CCDC7: variants seen among roughly 807,000 people sequenced by gnomAD.
CCDC7 encodes coiled-coil domain containing 7.
In CCDC7, 183 loss-of-function variants were observed where a neutral mutation model predicts 196.9. The ratio of observed to expected loss-of-function variants is 0.93; its 90% confidence interval spans 0.82 to 1.05. The LOEUF (loss-of-function observed/expected upper bound fraction) is 1.05. CCDC7 is among the 50% of genes least tolerant of loss of function. The pLI, the probability that CCDC7 is intolerant of heterozygous loss-of-function variation, is 0.00. For synonymous variants in CCDC7, 525 were observed against 484.6 expected (o/e 1.08, Z -1.10); for missense variants, 1,540 against 1,482.2 (o/e 1.04, Z -0.64).
chr10:32,585,856 G>A (rs2059218025), intron 18 of CCDC7, among the ~76,000 whole-genome samples: 1 of 152,080 alleles, frequency 6.6e-6, no homozygotes, highest in Non-Finnish European at 1.5e-5. Context: ...TGTCTTTATA[G>A]TAAAATGATT....
intron 13 of CCDC7, among the ~76,000 whole-genome samples, chr10:32,549,918 A>G (rs901921462): frequency 6.6e-6 from 1 of 151,948 alleles, no homozygotes; most frequent in Non-Finnish European, 1.5e-5. Flanking sequence ...TTCCATATGA[A>G]TTTTAGGATT....
intron 29 of CCDC7, among the ~76,000 whole-genome samples, chr10:32,790,889 C>G (rs1238097973): frequency 6.6e-6 from 1 of 152,186 alleles, no homozygotes; most frequent in Non-Finnish European, 1.5e-5. Flanking sequence ...CACAGGACCC[C>G]AATTTTACAG....
intron 28 of CCDC7, among the ~76,000 whole-genome samples, chr10:32,771,020 T>G (rs1420862180): frequency 6.6e-6 from 1 of 152,126 alleles, no homozygotes; most frequent in Non-Finnish European, 1.5e-5. Context: ...GAGATTTGGG[T>G]TGTGATTTTT....
intron 41 of CCDC7, among the ~76,000 whole-genome samples, chr10:32,869,621 A>G (rs1369572740): frequency 6.6e-6 from 1 of 152,054 alleles, no homozygotes; most frequent in Non-Finnish European, 1.5e-5. Context: ...TTGGTGTTTT[A>G]GACATGAAGT....
At chr10:32,880,629 C>T (rs2094757509), downstream of CCDC7, among the ~76,000 whole-genome samples, 1 of 152,158 alleles carries the variant, frequency 6.6e-6, no homozygotes, top group Non-Finnish European at 1.5e-5. Flanking sequence ...TGCCTATATC[C>T]TGAATGGTAT....
intron 20 of CCDC7, among the ~76,000 whole-genome samples, chr10:32,644,124 A>G (rs1210082107): frequency 6.6e-6 from 1 of 152,166 alleles, no homozygotes; most frequent in Non-Finnish European, 1.5e-5. Flanking sequence ...GTTTTAGTCC[A>G]TGTATACATA....
intron 21 of CCDC7, among the ~76,000 whole-genome samples, chr10:32,679,467 T>A (rs1400811341): frequency 6.6e-6 from 1 of 152,202 alleles, no homozygotes; most frequent in African/African-American, 2.4e-5. Flanking sequence ...AACTTTCTTG[T>A]AACCCCATAG....
exon 2 of CCDC7, chr10:32,453,417 A>G (rs1436907065): frequency 6.5e-7 from 1 of 1,547,250 alleles, no homozygotes; most frequent in Non-Finnish European, 8.7e-7. Flanking sequence ...AAGCATGAAC[A>G]TGAAGAATTA....
intron 28 of CCDC7, among the ~76,000 whole-genome samples, chr10:32,748,926 T>C (rs979898878): frequency 1.3e-5 from 2 of 152,148 alleles, no homozygotes; most frequent in African/African-American, 4.8e-5. Context: ...TTTTCTCCAC[T>C]ATTCATTGTG....
chr10:32,781,093 C>A (rs1410219893), intron 29 of CCDC7, among the ~76,000 whole-genome samples: 2 of 152,112 alleles, frequency 1.3e-5, no homozygotes, highest in Non-Finnish European at 2.9e-5. Context: ...TAGAAATATA[C>A]AATCTACCAG....
intron 33 of CCDC7, among the ~76,000 whole-genome samples, chr10:32,843,581 G>A (rs2093110970): frequency 6.6e-6 from 1 of 151,976 alleles, no homozygotes; most frequent in Non-Finnish European, 1.5e-5. Context: ...AAAGCAATGA[G>A]AGGATACTGT....
rs887008116 is a variant in CCDC7 at position 32,711,731 on chromosome 10, G to A, written c.2569+1G>A. On this transcript the variant is annotated splice_donor_variant, in intron 25 of 41. Coordinates refer to ENST00000639629, the Ensembl canonical transcript of CCDC7. LOFTEE classifies it high-confidence loss of function. ...ACTTCTGAAGGAGAAGGACGTAGCA[G>A]TAAGTATAATGATGATAGCTATTTT... 3 of 1,523,036 alleles carry A rather than the reference G, an allele frequency of 2.0e-6. No homozygotes were observed. The highest frequency in any genetic ancestry group is 2.7e-6 in the Non-Finnish European group (3 of 1,118,944). 94.3% of individuals were successfully genotyped at this position (1,523,036 alleles called of 1,614,324 possible). A position where few individuals can be genotyped will look rare whatever the true frequency, so the allele number is the denominator to read the frequency against.
At chr10:32,538,150 T>C (rs1413196891) in intron 11 of CCDC7, among the ~76,000 whole-genome samples, 1 of 152,212 alleles carries the variant, frequency 6.6e-6, no homozygotes, top group Non-Finnish European at 1.5e-5. Context: ...CATTTTTTTG[T>C]GTCATCTGAT....
At chr10:32,444,705 C>G (rs2030568427), upstream of CCDC7, among the ~76,000 whole-genome samples, 1 of 152,108 alleles carries the variant, frequency 6.6e-6, no homozygotes, top group African/African-American at 2.4e-5. Context: ...TTCTAAACTA[C>G]TTTCTTAATT....
chr10:32,471,354 C>A, intron 6 of CCDC7, 124 bp downstream of exon 7: 1 of 1,172,240 alleles, frequency 8.5e-7, no homozygotes, highest in Non-Finnish European at 1.2e-6. Flanking sequence ...CAAATCAGGT[C>A]TAGTCAGCTT....
intron 21 of CCDC7, among the ~76,000 whole-genome samples, chr10:32,684,981 G>A (rs571121658): frequency 4.1e-4 from 62 of 149,916 alleles, no homozygotes; most frequent in African/African-American, 1.4e-3. Context: ...TGAAATATAC[G>A]AAACCTGAAA....
chr10:32,567,655 C>G lies in CCDC7; in HGVS notation c.1198-15C>G. The G allele has an allele frequency of 6.3e-7, 1 of 1,596,756 alleles. No homozygotes were observed. Among genetic ancestry groups the G allele is most frequent in the Non-Finnish European group, 8.5e-7 (1 of 1,173,352 alleles). On this transcript the variant is annotated splice_polypyrimidine_tract_variant and intron_variant, in intron 14 of 41. Coordinates refer to ENST00000639629, the Ensembl canonical transcript of CCDC7. ...TCAGAAAATGCTTAATAAACTGGTA[C>G]TTTTTTAAAAACAGGAAGCTGAAAA...
intron 20 of CCDC7, among the ~76,000 whole-genome samples, chr10:32,638,216 C>A (rs1390908613): frequency 6.6e-6 from 1 of 152,128 alleles, no homozygotes; most frequent in Non-Finnish European, 1.5e-5. Context: ...ATTCAATACC[C>A]TTTATATCCT....
intron 31 of CCDC7, among the ~76,000 whole-genome samples, chr10:32,820,292 A>G (rs1308296934): frequency 6.6e-6 from 1 of 152,176 alleles, no homozygotes; most frequent in Non-Finnish European, 1.5e-5. Context: ...ACTACAAACT[A>G]CTGCTCAGTG....
Sources: gnomAD v4.1 joint callset for allele counts (sites outside exome capture counted in the v4.1 genomes callset) on GRCh38, gnomAD v4.1.1 for gene constraint, MANE v1.5 for transcripts, NCBI Gene and HGNC (gene_info 2026-07-23, HGNC 2026-07-21) for gene names.